CSMD1: variants seen among roughly 807,000 people sequenced by gnomAD.
CSMD1 encodes CUB and sushi domain-containing protein 1.
In CSMD1, 213 loss-of-function variants were observed where a neutral mutation model predicts 417.5. The ratio of observed to expected loss-of-function variants is 0.51; its 90% CI spans 0.46 to 0.57. The LOEUF is 0.57. Ranked by LOEUF, CSMD1 falls within the 20% of genes least tolerant of loss-of-function variation. The probability of loss-of-function intolerance (pLI) is 0.00; values close to 1 mark genes in which losing one functional copy is unlikely to be tolerated. For missense variants in CSMD1, 6,923 were observed against 4,529.7 expected (o/e 1.53, Z -15.17); for synonymous variants, 2,862 against 1,736.8 (o/e 1.65, Z -16.11).
intron 1 of CSMD1, among the ~76,000 whole-genome samples, chr8:4,908,814 C>G (rs1266067561): frequency 6.6e-6 from 1 of 151,978 alleles, no homozygotes; most frequent in Non-Finnish European, 1.5e-5. Flanking sequence ...TCTACTTTTC[C>G]CATTAGCACT....
At chr8:4,116,196 G>T (rs550718646) in intron 3 of CSMD1, among the ~76,000 whole-genome samples, 9 of 151,900 alleles carry the variant, frequency 5.9e-5, no homozygotes, top group African/African-American at 1.9e-4. Flanking sequence ...GTTTCCCCAT[G>T]TTGGCCAGGC....
intron 7 of CSMD1, among the ~76,000 whole-genome samples, chr8:3,699,222 T>C (rs183634887): frequency 1.3e-5 from 2 of 152,364 alleles, no homozygotes; most frequent in East Asian, 3.9e-4. Flanking sequence ...CAATGTAGAC[T>C]GACAATTAGT....
chr8:3,983,135 C>CTTTTTTTTTTTTTTTT (rs201667296), intron 5 of CSMD1, among the ~76,000 whole-genome samples: 1 of 133,514 alleles, frequency 7.5e-6, no homozygotes, highest in African/African-American at 2.9e-5. Flanking sequence ...ATCTTTCTTT[C>CTTTTTTTTTTTTTTTT]TTTTTTTTTT....
At chr8:4,456,191 T>C (rs1388300722) in intron 2 of CSMD1, among the ~76,000 whole-genome samples, 2 of 151,962 alleles carry the variant, frequency 1.3e-5, no homozygotes, top group East Asian at 1.9e-4. Context: ...ACACAAACTT[T>C]ATTACAGGTT....
intron 2 of CSMD1, among the ~76,000 whole-genome samples, chr8:4,509,275 T>A (rs898006083): frequency 2.0e-5 from 3 of 152,162 alleles, no homozygotes; most frequent in African/African-American, 7.2e-5. Flanking sequence ...TTTTCTTTTA[T>A]AAGTAAATGA....
intron 2 of CSMD1, among the ~76,000 whole-genome samples, chr8:4,444,811 G>T (rs1413666257): frequency 6.6e-6 from 1 of 152,142 alleles, no homozygotes; most frequent in African/African-American, 2.4e-5. Context: ...TCAGATGCTT[G>T]TGACCTCAGC....
At chr8:4,826,675 C>G (rs901765634) in intron 1 of CSMD1, among the ~76,000 whole-genome samples, 5 of 152,040 alleles carry the variant, frequency 3.3e-5, no homozygotes, top group Admixed American at 3.3e-4. Context: ...GCTTTCCTTC[C>G]CACTCATTCT....
intron 7 of CSMD1, among the ~76,000 whole-genome samples, chr8:3,635,793 CAAAAAA>C (rs752552617): frequency 3.0e-5 from 3 of 99,280 alleles, no homozygotes; most frequent in African/African-American, 8.2e-5. Context: ...GCTTCCATCT[CAAAAAA>C]AAAAAAAAAA....
chr8:4,512,181 A>T (rs1157290522), intron 2 of CSMD1, among the ~76,000 whole-genome samples: 2 of 152,212 alleles, frequency 1.3e-5, no homozygotes, highest in African/African-American at 4.8e-5. Flanking sequence ...TAAAGAAAAA[A>T]TCACATGATC....
At chr8:3,933,405 G>A (rs1244603015) in intron 5 of CSMD1, among the ~76,000 whole-genome samples, 6 of 152,110 alleles carry the variant, frequency 3.9e-5, no homozygotes, top group African/African-American at 7.2e-5. Context: ...GAGTCTATCA[G>A]GACTTGTATG....
At chr8:4,669,779 T>A (rs949393004) in intron 1 of CSMD1, among the ~76,000 whole-genome samples, 1 of 151,722 alleles carries the variant, frequency 6.6e-6, no homozygotes, top group African/African-American at 2.4e-5. Context: ...ACTGCAAATA[T>A]TTTTCTAGAA....
intron 2 of CSMD1, among the ~76,000 whole-genome samples, chr8:4,511,130 T>C (rs1413812785): frequency 1.3e-5 from 2 of 152,184 alleles, no homozygotes; most frequent in Admixed American, 6.5e-5. Flanking sequence ...CAACATAAAA[T>C]TGAACAAGTT....
At chr8:3,268,230 A>G (rs949155955) in intron 26 of CSMD1, among the ~76,000 whole-genome samples, 2 of 145,188 alleles carry the variant, frequency 1.4e-5, no homozygotes, top group African/African-American at 5.0e-5. Context: ...GCCATCATGC[A>G]CACAATGAGG....
intron 5 of CSMD1, among the ~76,000 whole-genome samples, chr8:3,973,244 G>C (rs983699520): frequency 1.1e-4 from 16 of 152,170 alleles, no homozygotes; most frequent in African/African-American, 3.9e-4. Flanking sequence ...CTGGCAGGTG[G>C]GAGTGAGAGC....
In CSMD1 at chr8:3,448,238, G is replaced by A. The variant is rs185459804; in HGVS notation, c.1561+20474C>T. ...TGATGGGGCCAACTCTCAAAAGGGA[G>A]AAGAGGATTGATCTCAAGACCATCC... On this transcript the variant is annotated intron_variant, in intron 12 of 69. Transcript: ENST00000635120. Among the ~76,000 whole-genome samples, 45 of 143,564 alleles carry A rather than the reference G, an allele frequency of 3.1e-4. No individual in the cohort carries two copies. The East Asian group carries it at 4.1e-3, about 13-fold the overall frequency. The allele number at this position is 143,564 out of a possible 152,430, so 94.2% of individuals were successfully genotyped here. A position where few individuals can be genotyped will look rare whatever the true frequency, so the allele number is the denominator to read the frequency against.
intron 41 of CSMD1, among the ~76,000 whole-genome samples, chr8:3,124,330 T>C (rs572582096): frequency 6.6e-6 from 1 of 152,188 alleles, no homozygotes; most frequent in Non-Finnish European, 1.5e-5. Flanking sequence ...TATAAAAGAA[T>C]TGTAAGTTGC....
rs969471559 is a variant in CSMD1, at chr8:3,951,829, G to A, written c.818+46074C>T. Among the ~76,000 whole-genome samples the A allele has an allele frequency of 2.0e-5, 3 of 151,624 alleles. No homozygotes were observed. The East Asian group carries it at 5.8e-4, about 29-fold the overall frequency. On this transcript the variant is annotated intron_variant, in intron 5 of 69. Coordinates refer to ENST00000635120, the MANE Select transcript of CSMD1 (RefSeq NM_033225.6). ...AAGAAGTGAAAAATAGTAACTCAAAGTTAACCCAAAAAGAAAAATTAAATA... is the reference window on the plus strand; with the variant it reads ...AAGAAGTGAAAAATAGTAACTCAAAATTAACCCAAAAAGAAAAATTAAATA...
chr8:4,247,092 G>C (rs530663697), intron 3 of CSMD1, among the ~76,000 whole-genome samples: 1 of 152,260 alleles, frequency 6.6e-6, no homozygotes, highest in East Asian at 1.9e-4. Flanking sequence ...GGGTTGTACG[G>C]TCTAGTGAAG....
chr8:3,722,014 T>G (rs1456092184), intron 6 of CSMD1, among the ~76,000 whole-genome samples: 2 of 151,872 alleles, frequency 1.3e-5, no homozygotes, highest in Non-Finnish European at 2.9e-5. Context: ...ATGGGTGGAG[T>G]TGGCACAGGT....
Sources: gnomAD v4.1 joint callset for allele counts (sites outside exome capture counted in the v4.1 genomes callset) on GRCh38, gnomAD v4.1.1 for gene constraint, MANE v1.5 for transcripts, NCBI Gene and HGNC (gene_info 2026-07-23, HGNC 2026-07-21) for gene names.